SKAP1: variants seen among roughly 807,000 people sequenced by gnomAD.
SKAP1 encodes the protein src kinase-associated phosphoprotein 1.
In SKAP1, 44 loss-of-function variants were observed where a neutral mutation model predicts 58.5. The ratio of observed to expected loss-of-function variants is 0.75; its 90% CI spans 0.59 to 0.97. The LOEUF is 0.97. Among genes scored for constraint, SKAP1 ranks in the 50% least tolerant of loss-of-function variants. The pLI, the probability that SKAP1 is intolerant of heterozygous loss-of-function variation, is 0.00. For synonymous variants in SKAP1, 127 were observed against 149.7 expected (o/e 0.85, Z 1.11); for missense variants, 390 against 435.2 (o/e 0.90, Z 0.92).
chr17:48,305,343 C>T (rs548417636), intron 4 of SKAP1, among the ~76,000 whole-genome samples: 1 of 152,228 alleles, frequency 6.6e-6, no homozygotes, highest in African/African-American at 2.4e-5. Context: ...AGCCACTGCA[C>T]CTGGCCTATA....
intron 11 of SKAP1, among the ~76,000 whole-genome samples, chr17:48,158,051 C>T (rs1414796399): frequency 6.6e-6 from 1 of 151,470 alleles, no homozygotes; most frequent in Non-Finnish European, 1.5e-5. Flanking sequence ...GGGGTGCAAG[C>T]CTGTAATCTC....
intron 4 of SKAP1, among the ~76,000 whole-genome samples, chr17:48,320,891 G>A (rs2066353759): frequency 6.6e-6 from 1 of 152,190 alleles, no homozygotes; most frequent in South Asian, 2.1e-4. Context: ...GCAGCAGAAG[G>A]CTGTGATTAT....
intron 10 of SKAP1, among the ~76,000 whole-genome samples, chr17:48,163,656 T>C (rs2064099731): frequency 6.6e-6 from 1 of 152,194 alleles, no homozygotes; most frequent in Non-Finnish European, 1.5e-5. Context: ...GTTCTATAGA[T>C]TTCCACCTTT....
chr17:48,387,820 C>G (rs1475843171), intron 2 of SKAP1, among the ~76,000 whole-genome samples: 2 of 151,942 alleles, frequency 1.3e-5, no homozygotes, highest in Admixed American at 6.6e-5. Context: ...ATTACCTTTC[C>G]TTTTTTTAAA....
chr17:48,381,335 T>C (rs928573147), intron 2 of SKAP1, among the ~76,000 whole-genome samples: 13 of 152,240 alleles, frequency 8.5e-5, no homozygotes, highest in Non-Finnish European at 1.8e-4. Flanking sequence ...TACTCTCTTT[T>C]ACCTAATCAA....
chr17:48,228,458 C>T (rs991617765), intron 4 of SKAP1, among the ~76,000 whole-genome samples: 1 of 152,166 alleles, frequency 6.6e-6, no homozygotes, highest in Non-Finnish European at 1.5e-5. Flanking sequence ...GAGCATTATT[C>T]AAATATTGCT....
At chr17:48,339,878 C>T (rs2066624647) in intron 4 of SKAP1, among the ~76,000 whole-genome samples, 1 of 152,076 alleles carries the variant, frequency 6.6e-6, no homozygotes, top group African/African-American at 2.4e-5. Context: ...TTTTTATACT[C>T]ACTGAGTATA....
intron 2 of SKAP1, among the ~76,000 whole-genome samples, chr17:48,365,604 T>A (rs2066991244): frequency 6.6e-6 from 1 of 152,166 alleles, no homozygotes; most frequent in Non-Finnish European, 1.5e-5. Context: ...AAGCACTGTC[T>A]ACACTTGGCT....
At chr17:48,440,436 G>A in the SKAP1 span, among the ~76,000 whole-genome samples, 10 of 152,218 alleles carry the variant, frequency 6.6e-5, 1 homozygote, top group South Asian at 2.1e-4. Context: ...GCATCCTTGC[G>A]CAGTGTCCTT....
chr17:48,213,350 CAA>C (rs71366849), intron 4 of SKAP1, among the ~76,000 whole-genome samples: 53 of 100,980 alleles, frequency 5.2e-4, no homozygotes, highest in Admixed American at 6.3e-4. Context: ...AACTCTGTCT[CAA>C]AAAAAAAAAA....
chr17:48,336,952 C>G (rs2066580391), intron 4 of SKAP1, among the ~76,000 whole-genome samples: 1 of 152,054 alleles, frequency 6.6e-6, no homozygotes, highest in Non-Finnish European at 1.5e-5. Context: ...ATAAAATTAA[C>G]CAAGACAACA....
chr17:48,306,983 T>A (rs2144157233), intron 4 of SKAP1, among the ~76,000 whole-genome samples: 1 of 152,354 alleles, frequency 6.6e-6, no homozygotes, highest in African/African-American at 2.4e-5. Context: ...AGTATTTTTT[T>A]AATCCACCCA....
chr17:48,226,581 A>G (rs1464813983), intron 4 of SKAP1, among the ~76,000 whole-genome samples: 4 of 152,212 alleles, frequency 2.6e-5, no homozygotes, highest in Non-Finnish European at 5.9e-5. Context: ...GGTTTGAAAT[A>G]TCTAGACTTC....
chr17:48,294,611 T>G (rs907499542), intron 4 of SKAP1: 1 of 152,284 alleles, frequency 6.6e-6, no homozygotes, highest in South Asian at 2.1e-4. Context: ...AGAAAGCAAT[T>G]ATCAAGATTC....
rs138563148 is a variant in SKAP1 at position 48,400,533 on chromosome 17, G to A, written c.47-3748C>T. Among the ~76,000 whole-genome samples, 1,004 of 152,110 alleles carry A rather than the reference G, an allele frequency of 6.6e-3. 8 individuals are homozygous for A. Among genetic ancestry groups the A allele is most frequent in the African/African-American group, 0.021 (887 of 41,502 alleles). The stretch of plus-strand genomic sequence containing the variant: ...TCTCAGCACTTCGGGAGGCCAAGGC[G>A]GGCAGATCATTTGAGCCCAGGAGTT... On this transcript the variant is annotated intron_variant, in intron 1 of 12. Coordinates refer to ENST00000336915, the MANE Select transcript of SKAP1 (RefSeq NM_003726.4).
At chr17:48,193,135 G>A (rs1169081205) in intron 4 of SKAP1, among the ~76,000 whole-genome samples, 4 of 151,988 alleles carry the variant, frequency 2.6e-5, no homozygotes, top group South Asian at 4.1e-4. Flanking sequence ...TCCACCTCCC[G>A]GGTTCAAGCG....
At chr17:48,420,741 A>G (rs1394072550) in intron 1 of SKAP1, among the ~76,000 whole-genome samples, 2 of 152,160 alleles carry the variant, frequency 1.3e-5, no homozygotes, top group Non-Finnish European at 2.9e-5. Flanking sequence ...GTGGAAATTG[A>G]GAAGGAAAAC....
intron 2 of SKAP1, among the ~76,000 whole-genome samples, chr17:48,370,979 C>A (rs2067076850): frequency 6.6e-6 from 1 of 152,110 alleles, no homozygotes; most frequent in South Asian, 2.1e-4. Flanking sequence ...TCCTTTTCAA[C>A]AAGATGGATG....
chr17:48,225,230 C>T (rs183813209), intron 4 of SKAP1, among the ~76,000 whole-genome samples: 13 of 152,258 alleles, frequency 8.5e-5, no homozygotes, highest in African/African-American at 3.1e-4. Context: ...ATAGAGGCTC[C>T]CTGTATTCCC....
Sources: gnomAD v4.1 joint callset for allele counts (sites outside exome capture counted in the v4.1 genomes callset) on GRCh38, gnomAD v4.1.1 for gene constraint, MANE v1.5 for transcripts, NCBI Gene and HGNC (gene_info 2026-07-23, HGNC 2026-07-21) for gene names.